The following MEGF6 variants were observed in gnomAD, a reference collection of about 807,000 sequenced individuals.
The protein encoded by MEGF6 is multiple epidermal growth factor-like domains protein 6.
MEGF6 carries 184 observed loss-of-function variants against 207.1 expected under a neutral mutation model. That is an observed-to-expected ratio of 0.89 (90% CI 0.79 to 1.00). MEGF6 has a LOEUF of 1.00. MEGF6 is among the 50% of genes least tolerant of loss of function. MEGF6 has a pLI of 0.00. For missense variants in MEGF6, 2,282 were observed against 2,202.9 expected, an observed-to-expected ratio of 1.04 and a Z score of -0.72; for synonymous variants, 1,038 against 910.0, an observed-to-expected ratio of 1.14 and a Z score of -2.53.
intron 4 of MEGF6, among the ~76,000 whole-genome samples, chr1:3,563,547 C>T (rs1261178907): frequency 6.6e-6 from 1 of 152,224 alleles, no homozygotes; most frequent in Non-Finnish European, 1.5e-5. Context: ...CCGATCGTGC[C>T]TGGCACCCGG....
At chr1:3,532,087 C>T (rs1642195243) in intron 4 of MEGF6, among the ~76,000 whole-genome samples, 3 of 152,238 alleles carry the variant, frequency 2.0e-5, no homozygotes, top group African/African-American at 7.2e-5. Flanking sequence ...GGAGAACTTG[C>T]CTGCAGGGTG....
At chr1:3,503,120 A>C (rs367928994) in intron 17 of MEGF6, among the ~76,000 whole-genome samples, 8 of 152,270 alleles carry the variant, frequency 5.3e-5, no homozygotes, top group South Asian at 2.1e-4. Flanking sequence ...GCGGAGCAGC[A>C]GACCTGACCC....
Position 3,509,033 on chromosome 1 carries a change from G to GC in MEGF6, c.1528+41dup. ...TAGCCCGAGGGGTCGCTGGCTGCTG[G>GC]CCCTGCGAGCAGGAGCCCCCGGGGG... On this transcript the variant is annotated intron_variant, in intron 12 of 36. Coordinates refer to ENST00000356575, the MANE Select transcript of MEGF6 (RefSeq NM_001409.4). The GC allele has an allele frequency of 2.0e-6, 3 of 1,486,206 alleles. No individual in the cohort carries two copies. In the South Asian group the frequency reaches 4.1e-5, roughly 20 times the overall value. The allele number at this position is 1,486,206 out of a possible 1,614,324, so 92.1% of individuals were successfully genotyped here. A position where few individuals can be genotyped will look rare whatever the true frequency, so the allele number is the denominator to read the frequency against.
intron 11 of MEGF6, 142 bp from the exon 12 acceptor site, chr1:3,509,387 G>A (rs920901180): frequency 6.0e-6 from 4 of 670,512 alleles, no homozygotes; most frequent in Non-Finnish European, 9.1e-6. Context: ...CACCTCCTCA[G>A]CCTGGTCCCA....
chr1:3,499,682 G>A lies in MEGF6; in HGVS notation c.2871C>T (p.Arg957=), dbSNP rs61749291. Residue 957 remains arginine (R), a synonymous_variant, in exon 23 of 37, where the codon CGC becomes CGT. Coordinates refer to ENST00000356575, the MANE Select transcript of MEGF6 (RefSeq NM_001409.4). ...CTCCGGCGGTGCAGTTGCAGGCACT[G>A]CGACAGTCCAATCCAAAGAAGCCGG... is the stretch of plus-strand genomic sequence containing the variant. The part of the protein sequence containing the change: ...CPAGFFGLDC[R]SACNCTAGAA... 1.5e-3 allele frequency: 2,349 copies of A among 1,601,840 alleles called. 25 individuals are homozygous for A. In the African/African-American group the frequency reaches 0.027, roughly 18 times the overall value.
chr1:3,571,019 C>T (rs544800699), intron 4 of MEGF6, among the ~76,000 whole-genome samples: 1 of 152,290 alleles, frequency 6.6e-6, no homozygotes, highest in Admixed American at 6.5e-5. Context: ...GTCTTCATGG[C>T]TGACACCTCC....
At chr1:3,582,832 C>T (rs565509494) in intron 3 of MEGF6, among the ~76,000 whole-genome samples, 1 of 152,170 alleles carries the variant, frequency 6.6e-6, no homozygotes, top group African/African-American at 2.4e-5. Flanking sequence ...GAGCCCACAG[C>T]GCCCCGCTCT....
At chr1:3,587,475 T>C (rs1269438195) in intron 3 of MEGF6, among the ~76,000 whole-genome samples, 1 of 152,272 alleles carries the variant, frequency 6.6e-6, no homozygotes, top group Admixed American at 6.5e-5. Flanking sequence ...GTTTAACCTA[T>C]AGCATTTATA....
chr1:3,522,711 AG>A (rs1173092556), intron 5 of MEGF6, among the ~76,000 whole-genome samples: 1 of 152,020 alleles, frequency 6.6e-6, no homozygotes, highest in Non-Finnish European at 1.5e-5. Flanking sequence ...GAGTGTCCCA[AG>A]GCCCCCCCAC....
At chr1:3,532,866 G>A (rs555537505) in intron 4 of MEGF6, among the ~76,000 whole-genome samples, 1 of 152,360 alleles carries the variant, frequency 6.6e-6, no homozygotes, top group East Asian at 1.9e-4. Context: ...TGGGGATGCA[G>A]TGCCATCCTC....
intron 4 of MEGF6, among the ~76,000 whole-genome samples, chr1:3,546,097 C>A (rs899263442): frequency 6.6e-5 from 10 of 152,228 alleles, no homozygotes; most frequent in Admixed American, 2.0e-4. Flanking sequence ...CAGATCCACC[C>A]CAGGGTCAGA....
intron 4 of MEGF6, chr1:3,531,176 C>T (rs1384832677): frequency 1.1e-5 from 17 of 1,522,634 alleles, no homozygotes; most frequent in Admixed American, 2.1e-5. Flanking sequence ...GTGCCCGCGA[C>T]GCGCGCCAGG....
At chr1:3,521,790 G>C (rs2821070) in intron 5 of MEGF6, among the ~76,000 whole-genome samples, 17,697 of 152,206 alleles carry the variant, frequency 0.12, 1,394 homozygotes, top group South Asian at 0.24. Flanking sequence ...TATCCCCCAC[G>C]CACAGCTCGC....
At chr1:3,545,585 TCTC>T (rs1281475459) in intron 4 of MEGF6, among the ~76,000 whole-genome samples, 1 of 151,938 alleles carries the variant, frequency 6.6e-6, no homozygotes, top group Non-Finnish European at 1.5e-5. Flanking sequence ...GGGAGGGGGT[TCTC>T]CTCCCCTCAT....
intron 5 of MEGF6, among the ~76,000 whole-genome samples, chr1:3,518,389 G>A (rs927068419): frequency 4.6e-5 from 7 of 152,178 alleles, no homozygotes; most frequent in East Asian, 3.9e-4. Flanking sequence ...AGCAGGAGGC[G>A]GCACCACCCA....
intron 1 of MEGF6, among the ~76,000 whole-genome samples, chr1:3,604,296 C>G (rs1644208911): frequency 6.6e-6 from 1 of 152,188 alleles, no homozygotes; most frequent in African/African-American, 2.4e-5. Flanking sequence ...AGCGTTGATT[C>G]CTGGAGTCCA....
In MEGF6 at chr1:3,573,843, T is replaced by C. The variant is rs1278724778; in HGVS notation, c.481+5982A>G. Among the ~76,000 whole-genome samples the C allele has an allele frequency of 2.6e-5, 4 of 152,062 alleles. No individual in the cohort carries two copies. The highest frequency in any genetic ancestry group is 4.8e-5 in the African/African-American group (2 of 41,408). ...CCACCCTCAGACACAGTGGGCAGCA[T>C]TGAAAGGCAGTGGGGAGGGCCGCTT... On this transcript the variant is annotated intron_variant, in intron 4 of 36. Transcript: ENST00000356575. The surrounding 1 kb of genome is among the most constrained non-coding windows in gnomAD (Gnocchi z 5.1).
chr1:3,534,709 G>A (rs1035144318), intron 4 of MEGF6, among the ~76,000 whole-genome samples: 23 of 152,182 alleles, frequency 1.5e-4, no homozygotes, highest in Admixed American at 1.2e-3. Flanking sequence ...GAGGGCGGGG[G>A]ACGTCCTGGG....
intron 5 of MEGF6, among the ~76,000 whole-genome samples, chr1:3,521,929 C>G (rs1641766112): frequency 1.3e-5 from 2 of 152,176 alleles, no homozygotes; most frequent in Non-Finnish European, 2.9e-5. Flanking sequence ...GTTCCCAGGC[C>G]AGGGGTCGCC....
Sources: gnomAD v4.1 joint callset for allele counts (sites outside exome capture counted in the v4.1 genomes callset) on GRCh38, gnomAD v4.1.1 for gene constraint, Gnocchi (gnomAD v3.1) non-coding constraint, MANE v1.5 for transcripts, NCBI Gene and HGNC (gene_info 2026-07-23, HGNC 2026-07-21) for gene names.